The following MAPKAP1 variants were observed in gnomAD, a reference collection of about 807,000 sequenced individuals.
MAPKAP1 encodes MAPK associated protein 1, also known as target of rapamycin complex 2 subunit MAPKAP1.
A neutral mutation model predicts 65.7 loss-of-function variants in MAPKAP1; 20 were observed. The observed-to-expected ratio is 0.30, with a 90% CI of 0.21 to 0.44. The LOEUF (loss-of-function observed/expected upper bound fraction) is 0.44. MAPKAP1 is among the 20% of genes least tolerant of loss of function. MAPKAP1 has a pLI of 1.00. For synonymous variants in MAPKAP1, 222 were observed against 244.3 expected (o/e 0.91, Z 0.85); for missense variants, 423 against 648.0 (o/e 0.65, Z 3.77).
chr9:125,547,706 A>G (rs1328351201), intron 6 of MAPKAP1, among the ~76,000 whole-genome samples: 1 of 152,216 alleles, frequency 6.6e-6, no homozygotes, highest in Non-Finnish European at 1.5e-5. Flanking sequence ...ACACAGGGGC[A>G]TTAAAATGTG....
chr9:125,488,748 G>GTA (rs1854589461), intron 8 of MAPKAP1, among the ~76,000 whole-genome samples: 1 of 152,210 alleles, frequency 6.6e-6, no homozygotes, highest in South Asian at 2.1e-4. Flanking sequence ...CATGCTAGCA[G>GTA]TATGCTAGAC....
chr9:125,663,905 A>C (rs1834261076), intron 3 of MAPKAP1, among the ~76,000 whole-genome samples: 1 of 152,230 alleles, frequency 6.6e-6, no homozygotes, highest in Non-Finnish European at 1.5e-5. Context: ...AAAAATAAAT[A>C]GCCTGGAAAT....
In MAPKAP1 at chr9:125,615,281, T is replaced by C. The variant is rs138800409; in HGVS notation, c.499-29554A>G. 3.7e-3 allele frequency among the ~76,000 whole-genome samples: 556 copies of C among 152,294 alleles called. 5 individuals are homozygous for C. The highest frequency in any genetic ancestry group is 0.013 in the African/African-American group (536 of 41,562). On this transcript the variant is annotated intron_variant, in intron 4 of 11. Coordinates refer to ENST00000265960, the MANE Select transcript of MAPKAP1 (RefSeq NM_001006617.3). ...AAGATATTATAGGTCACTTAAATGA[T>C]ATATCATGTTCAAAATGGTAAAGAT...
chr9:125,658,203 T>C (rs944344408), intron 3 of MAPKAP1, among the ~76,000 whole-genome samples: 3 of 152,184 alleles, frequency 2.0e-5, no homozygotes, highest in Admixed American at 2.0e-4. Flanking sequence ...CTGCCTGTAA[T>C]ATTATGTGAT....
intron 10 of MAPKAP1, among the ~76,000 whole-genome samples, chr9:125,463,722 A>T (rs1853578950): frequency 6.6e-6 from 1 of 152,242 alleles, no homozygotes; most frequent in Admixed American, 6.5e-5. Flanking sequence ...TTTCCTTTGA[A>T]TTATACTATT....
chr9:125,458,532 G>A (rs970878977), intron 10 of MAPKAP1, among the ~76,000 whole-genome samples: 2 of 151,876 alleles, frequency 1.3e-5, no homozygotes, highest in Admixed American at 6.6e-5. Context: ...CAGGGTTGGG[G>A]GCAAGGTCAC....
At chr9:125,700,010 A>G (rs1835548199) in intron 1 of MAPKAP1, among the ~76,000 whole-genome samples, 1 of 152,194 alleles carries the variant, frequency 6.6e-6, no homozygotes, top group South Asian at 2.1e-4. Context: ...ATATTGTTTC[A>G]TTTAGTCCTC....
rs1023468833 is a variant in MAPKAP1 at position 125,644,074 on chromosome 9, T to C, written c.498+13577A>G. ...TAAAAAGTGGAATATTCAGGAAGCA[T>C]TCAGCCTTCCCCAAAAGAGGTTAAG... is the stretch of plus-strand genomic sequence containing the variant. On this transcript the variant is annotated intron_variant, in intron 4 of 11. Transcript: ENST00000265960. Among the ~76,000 whole-genome samples, 6 of 152,200 alleles carry C rather than the reference T, an allele frequency of 3.9e-5. No homozygotes were observed. In the East Asian group the frequency reaches 9.6e-4, roughly 24 times the overall value.
chr9:125,702,272 C>T (rs1243019390), intron 1 of MAPKAP1, among the ~76,000 whole-genome samples: 3 of 152,092 alleles, frequency 2.0e-5, no homozygotes, highest in Admixed American at 1.3e-4. Flanking sequence ...CAGTGGCTCA[C>T]GCCTGTAGTC....
At chr9:125,553,250 T>C (rs1026892517) in intron 6 of MAPKAP1, among the ~76,000 whole-genome samples, 6 of 152,016 alleles carry the variant, frequency 3.9e-5, no homozygotes, top group South Asian at 2.1e-4. Flanking sequence ...AGAAATAAAA[T>C]TATTAGGCTG....
chr9:125,586,402 T>A (rs1831786187), intron 4 of MAPKAP1, among the ~76,000 whole-genome samples: 1 of 152,042 alleles, frequency 6.6e-6, no homozygotes, highest in African/African-American at 2.4e-5. Context: ...CCATAAATCC[T>A]CAGCTGCTTT....
chr9:125,568,378 G>C (rs1831125275), intron 5 of MAPKAP1, among the ~76,000 whole-genome samples: 1 of 152,196 alleles, frequency 6.6e-6, no homozygotes, highest in African/African-American at 2.4e-5. Context: ...GGAAACTTGA[G>C]AGCTGATGGG....
At chr9:125,494,137 C>A (rs12236442) in intron 8 of MAPKAP1, among the ~76,000 whole-genome samples, 2,919 of 152,246 alleles carry the variant, frequency 0.019, 150 homozygotes, top group East Asian at 0.14. Context: ...TCTTCCTTAG[C>A]GCTCTGCATC....
At chr9:125,683,025 C>A (rs1398918264) in intron 1 of MAPKAP1, among the ~76,000 whole-genome samples, 1 of 149,896 alleles carries the variant, frequency 6.7e-6, no homozygotes, top group Non-Finnish European at 1.5e-5. Flanking sequence ...ATGGTGCGAT[C>A]TCAGCTCACA....
intron 4 of MAPKAP1, among the ~76,000 whole-genome samples, chr9:125,637,685 A>G (rs1833464260): frequency 6.6e-6 from 1 of 152,260 alleles, no homozygotes; most frequent in Admixed American, 6.5e-5. Context: ...GAAAACAAGA[A>G]TAAAAAAATC....
At chr9:125,560,508 C>T (rs868338154) in intron 5 of MAPKAP1, among the ~76,000 whole-genome samples, 14 of 152,040 alleles carry the variant, frequency 9.2e-5, no homozygotes, top group Non-Finnish European at 1.8e-4. Flanking sequence ...CACTTGAGCC[C>T]GTGAGGTCGA....
intron 6 of MAPKAP1, 47 bp downstream of exon 6, chr9:125,559,586 G>T: frequency 1.3e-6 from 2 of 1,539,318 alleles, no homozygotes; most frequent in African/African-American, 2.8e-5. Context: ...CAAAATGCTA[G>T]AAGGTTGGGA....
intron 10 of MAPKAP1, among the ~76,000 whole-genome samples, chr9:125,459,202 A>C (rs1853349593): frequency 6.9e-6 from 1 of 145,164 alleles, no homozygotes; most frequent in Admixed American, 6.8e-5. Context: ...GGCGCTCCCC[A>C]CATCTCAGAC....
chr9:125,701,371 ACTC>A (rs1361073661), intron 1 of MAPKAP1, among the ~76,000 whole-genome samples: 5 of 152,150 alleles, frequency 3.3e-5, no homozygotes, highest in Admixed American at 2.6e-4. Context: ...CTTGAATTTT[ACTC>A]CTCATTATTT....
Sources: gnomAD v4.1 joint callset for allele counts (sites outside exome capture counted in the v4.1 genomes callset) on GRCh38, gnomAD v4.1.1 for gene constraint, MANE v1.5 for transcripts, NCBI Gene and HGNC (gene_info 2026-07-23, HGNC 2026-07-21) for gene names.